Variants in CNTLN observed in about 807,000 individuals in gnomAD.
The protein encoded by CNTLN is centlein.
CNTLN carries 212 observed loss-of-function variants against 180.0 expected under a neutral mutation model. That is an observed-to-expected ratio of 1.18 (90% CI 1.05 to 1.32). The LOEUF is 1.32. Ranked by LOEUF, CNTLN falls within the 40% of genes most tolerant of loss-of-function variation. The pLI is 0.00. For missense variants in CNTLN, 2,095 were observed against 1,610.9 expected (o/e 1.30, Z -5.14); for synonymous variants, 722 against 563.1 (o/e 1.28, Z -3.99).
At chr9:17,193,600 T>C (rs915592712) in intron 2 of CNTLN, among the ~76,000 whole-genome samples, 3 of 152,194 alleles carry the variant, frequency 2.0e-5, no homozygotes, top group African/African-American at 7.2e-5. Flanking sequence ...TCTGCACCTG[T>C]GGCTTTGCAG....
chr9:17,318,885 C>A (rs986710043), intron 8 of CNTLN, among the ~76,000 whole-genome samples: 1 of 150,934 alleles, frequency 6.6e-6, no homozygotes, highest in Non-Finnish European at 1.5e-5. Context: ...TCCATTAAAC[C>A]TTCATTTATT....
In CNTLN at chr9:17,247,779, C is replaced by CTTTT. The variant is rs572267371; in HGVS notation, c.849+11204_849+11207dup. ...TATTGGATTTTGCCAAATACTTTTA[C>CTTTT]TTTTTTTTTTTTTTTTGCATCTATT... is the stretch of plus-strand genomic sequence containing the variant. On this transcript the variant is annotated intron_variant, in intron 5 of 25. Coordinates refer to ENST00000380647, the MANE Select transcript of CNTLN (RefSeq NM_017738.4). Among the ~76,000 whole-genome samples, 133 of 108,460 alleles carry CTTTT rather than the reference C, an allele frequency of 1.2e-3. 2 individuals are homozygous for CTTTT. The highest frequency in any genetic ancestry group is 4.7e-3 in the South Asian group (16 of 3,392). The allele number at this position is 108,460 out of a possible 152,430, so 71.2% of individuals were successfully genotyped here. A position where few individuals can be genotyped will look rare whatever the true frequency, so the allele number is the denominator to read the frequency against.
rs779045840 is a variant in CNTLN, at chr9:17,484,447, T to C, written c.4008T>C (p.Asp1336=). 4 of 1,603,882 alleles carry C rather than the reference T, an allele frequency of 2.5e-6. No individual in the cohort carries two copies. The highest frequency in any genetic ancestry group is 1.8e-5 in the Admixed American group (1 of 56,838). ...AASILNISRS[D]LEEILDTEDQ... ...CTATCCTGAACATTTCACGGTCAGA[T>C]TTAGAGGAAATATTAGACACAGAAG... The change falls in exon 24 of 26, where the codon GAT becomes GAC. Residue 1336 remains aspartate (D), a synonymous_variant. Transcript: ENST00000380647.
rs947559635 is a variant in CNTLN at position 17,486,913 on chromosome 9, T to C, written c.4042-76T>C. On this transcript the variant is annotated intron_variant, in intron 24 of 25. Coordinates refer to ENST00000380647, the MANE Select transcript of CNTLN (RefSeq NM_017738.4). ...CTAATTCTACTGATATTACTCCAGA[T>C]TTATTCAGTATCTAATAGTATAAAC... 10 of 678,438 alleles carry C rather than the reference T, an allele frequency of 1.5e-5. No individual in the cohort carries two copies. The African/African-American group carries it at 1.7e-4, about 11-fold the overall frequency. The allele number at this position is 678,438 out of a possible 1,614,324, so 42.0% of individuals were successfully genotyped here. A position where few individuals can be genotyped will look rare whatever the true frequency, so the allele number is the denominator to read the frequency against.
chr9:17,528,219 A>G, the CNTLN span, among the ~76,000 whole-genome samples: 3 of 152,222 alleles, frequency 2.0e-5, no homozygotes, highest in Non-Finnish European at 4.4e-5. Flanking sequence ...AGCAGGGGGA[A>G]AATAGCAGCT....
intron 12 of CNTLN, among the ~76,000 whole-genome samples, chr9:17,350,551 G>C (rs1398576806): frequency 6.6e-6 from 1 of 152,094 alleles, no homozygotes; most frequent in Non-Finnish European, 1.5e-5. Flanking sequence ...TGGAAAAAGA[G>C]GTAACGCAAA....
At chr9:17,209,300 T>A (rs1823126507) in intron 2 of CNTLN, among the ~76,000 whole-genome samples, 1 of 152,204 alleles carries the variant, frequency 6.6e-6, no homozygotes, top group Admixed American at 6.5e-5. Flanking sequence ...AATTTCAATT[T>A]GTTTGAATTT....
chr9:17,412,641 G>A (rs1179325202), intron 16 of CNTLN, among the ~76,000 whole-genome samples: 2 of 152,094 alleles, frequency 1.3e-5, no homozygotes, highest in Admixed American at 1.3e-4. Context: ...ATTTTGCCCA[G>A]CTGTAGGCTA....
intron 7 of CNTLN, chr9:17,300,381 G>A (rs1367310901): frequency 6.6e-6 from 1 of 152,110 alleles, no homozygotes; most frequent in East Asian, 1.9e-4. Context: ...CTCTAGGAAA[G>A]AGTATATCTA....
chr9:17,421,491 G>T (rs1057119156), intron 18 of CNTLN, among the ~76,000 whole-genome samples: 1 of 151,948 alleles, frequency 6.6e-6, no homozygotes, highest in South Asian at 2.1e-4. Flanking sequence ...TGTAGGTAGT[G>T]TATCATTGGG....
chr9:17,256,747 TTG>T (rs564281097), intron 5 of CNTLN, among the ~76,000 whole-genome samples: 5 of 151,962 alleles, frequency 3.3e-5, no homozygotes, highest in Non-Finnish European at 7.4e-5. Flanking sequence ...GTTACTTTTC[TTG>T]TACAACTCAA....
At chr9:17,162,441 A>G (rs777533741) in intron 2 of CNTLN, among the ~76,000 whole-genome samples, 3 of 152,120 alleles carry the variant, frequency 2.0e-5, no homozygotes, top group African/African-American at 4.8e-5. Flanking sequence ...ATGGCCAACT[A>G]GTAACAACCA....
intron 25 of CNTLN, among the ~76,000 whole-genome samples, chr9:17,495,262 AG>A: frequency 6.6e-6 from 1 of 152,208 alleles, no homozygotes; most frequent in South Asian, 2.1e-4. Context: ...AAACAGCCTA[AG>A]GCAGGTCCTT....
At chr9:17,230,298 C>T (rs1293843961) in intron 3 of CNTLN, among the ~76,000 whole-genome samples, 1 of 152,132 alleles carries the variant, frequency 6.6e-6, no homozygotes, top group Non-Finnish European at 1.5e-5. Context: ...TAGCTACCTA[C>T]AGAGGCAATT....
At chr9:17,456,114 A>G (rs1478966178) in intron 18 of CNTLN, among the ~76,000 whole-genome samples, 15 of 152,158 alleles carry the variant, frequency 9.9e-5, no homozygotes, top group Non-Finnish European at 1.9e-4. Flanking sequence ...AATGAGAAAC[A>G]CTGTGTAATT....
intron 25 of CNTLN, among the ~76,000 whole-genome samples, chr9:17,494,138 A>C (rs1169935155): frequency 6.6e-6 from 1 of 152,206 alleles, no homozygotes; most frequent in African/African-American, 2.4e-5. Flanking sequence ...AATACATGGA[A>C]AATAACTCAA....
the CNTLN span, among the ~76,000 whole-genome samples, chr9:17,521,556 A>G: frequency 6.6e-6 from 1 of 152,168 alleles, no homozygotes; most frequent in Non-Finnish European, 1.5e-5. Flanking sequence ...CCATTTTTAC[A>G]TAGAGAAACC....
In CNTLN at chr9:17,388,184, A is replaced by G. The variant is rs774623208; in HGVS notation, c.2010A>G (p.Glu670=). ...CAGAACAGCTCTTTAGATCTGGTGAAGATGATGAGGTCAAGAGGAGTACTC... is the reference window on the plus strand; with the variant it reads ...CAGAACAGCTCTTTAGATCTGGTGAGGATGATGAGGTCAAGAGGAGTACTC... ...RREEQLFRSG[E]DDEVKRSTPE... is the part of the protein sequence containing the mutation. Residue 670 remains glutamate, a synonymous_variant, in exon 14 of 26, where the codon GAA becomes GAG. Transcript: ENST00000380647. 6.2e-7 allele frequency: 1 copy of G among 1,611,398 alleles called. No individual in the cohort carries two copies. Among genetic ancestry groups the G allele is most frequent in the Non-Finnish European group, 8.5e-7 (1 of 1,178,084 alleles).
intron 13 of CNTLN, among the ~76,000 whole-genome samples, chr9:17,381,209 G>T (rs572738495): frequency 6.6e-6 from 1 of 152,318 alleles, no homozygotes; most frequent in East Asian, 1.9e-4. Context: ...TCTGAGATTT[G>T]GCCTTTATGC....
Sources: gnomAD v4.1 joint callset for allele counts (sites outside exome capture counted in the v4.1 genomes callset) on GRCh38, gnomAD v4.1.1 for gene constraint, MANE v1.5 for transcripts, NCBI Gene and HGNC (gene_info 2026-07-23, HGNC 2026-07-21) for gene names.